The following SLC8A1 variants were observed in gnomAD, a reference collection of about 807,000 sequenced individuals.
The protein encoded by SLC8A1 is sodium/calcium exchanger 1.
Under a neutral mutation model 68.3 loss-of-function variants are expected in SLC8A1, and 18 were observed. The ratio of observed to expected loss-of-function variants is 0.26; its 90% CI spans 0.18 to 0.39. The LOEUF is 0.39. SLC8A1 is among the 10% of genes least tolerant of loss of function. The pLI, the probability that SLC8A1 is intolerant of heterozygous loss-of-function variation, is 1.00. For synonymous variants in SLC8A1, 475 were observed against 415.5 expected, an observed-to-expected ratio of 1.14 and a Z score of -1.74; for missense variants, 985 against 1,156.7, an observed-to-expected ratio of 0.85 and a Z score of 2.15.
chr2:40,366,980 T>C (rs1676415081), intron 2 of SLC8A1, among the ~76,000 whole-genome samples: 2 of 152,022 alleles, frequency 1.3e-5, no homozygotes, highest in Non-Finnish European at 2.9e-5. Flanking sequence ...ATCTTAAAAT[T>C]CCACCTGAGA....
At chr2:40,228,937 TCTC>T (rs1280963255) in intron 2 of SLC8A1, among the ~76,000 whole-genome samples, 1 of 152,166 alleles carries the variant, frequency 6.6e-6, no homozygotes, top group Non-Finnish European at 1.5e-5. Context: ...TACTAAATTG[TCTC>T]CTTTTATTAA....
chr2:40,175,090 A>G (rs2048231771), intron 3 of SLC8A1, among the ~76,000 whole-genome samples, 171 bp downstream of exon 4: 1 of 152,168 alleles, frequency 6.6e-6, no homozygotes, highest in African/African-American at 2.4e-5. Flanking sequence ...GTACTAAATT[A>G]AAAATGCAAT....
intron 2 of SLC8A1, among the ~76,000 whole-genome samples, chr2:40,307,049 C>G (rs923597747): frequency 1.3e-5 from 2 of 151,928 alleles, no homozygotes; most frequent in Non-Finnish European, 2.9e-5. Flanking sequence ...TTTGCTCATC[C>G]ATGTTCATAG....
rs997988607 is a variant in SLC8A1 at position 40,447,606 on chromosome 2, A to C, written c.-25+4298T>G. ...TCCAAGTTAAAAAAAAAAAAAAAAA[A>C]AAGAAAGAACATATGCTAATGATTT... is the stretch of plus-strand genomic sequence containing the variant. On this transcript the variant is annotated intron_variant, in intron 1 of 7. Coordinates refer to ENST00000406785, the Ensembl canonical transcript of SLC8A1. Among the ~76,000 whole-genome samples, 65 of 142,246 alleles carry C rather than the reference A, an allele frequency of 4.6e-4. 1 individual carries two copies. The East Asian group carries it at 0.014, about 31-fold the overall frequency. 93.3% of individuals were successfully genotyped at this position (142,246 alleles called of 152,430 possible).
At chr2:40,358,403 A>G (rs1025009070) in intron 2 of SLC8A1, among the ~76,000 whole-genome samples, 2 of 152,150 alleles carry the variant, frequency 1.3e-5, no homozygotes, top group Non-Finnish European at 2.9e-5. Flanking sequence ...GAACAGTACT[A>G]TCGTTTCAGG....
chr2:40,374,473 T>C (rs960556913), intron 2 of SLC8A1, among the ~76,000 whole-genome samples: 5 of 152,032 alleles, frequency 3.3e-5, no homozygotes, highest in African/African-American at 2.4e-5. Flanking sequence ...TGTGTATATA[T>C]ATATGTATGT....
At chr2:40,505,291 A>C (rs760895426) in intron 1 of SLC8A1, among the ~76,000 whole-genome samples, 1 of 151,922 alleles carries the variant, frequency 6.6e-6, no homozygotes, top group Non-Finnish European at 1.5e-5. Flanking sequence ...CATCAGGGTG[A>C]CTGTAGTCAA....
chr2:40,109,269 A>T (rs1352811927), exon 8 of SLC8A1: 1 of 152,038 alleles, frequency 6.6e-6, no homozygotes. Context: ...AGAGGCATGG[A>T]AGCTATCTGT....
At chr2:40,429,555 A>G (rs1697779252) in exon 2 of SLC8A1, 2 of 1,613,644 alleles carry the variant, frequency 1.2e-6, no homozygotes, top group Non-Finnish European at 1.7e-6. Context: ...CACAGATGGG[A>G]AAGAAGAAGA....
chr2:40,307,146 TACACACACAC>T (rs144335092), intron 2 of SLC8A1, among the ~76,000 whole-genome samples: 1 of 148,172 alleles, frequency 6.7e-6, no homozygotes, highest in Non-Finnish European at 1.5e-5. Context: ...AAATGTGATA[TACACACACAC>T]ACACACACAC....
At chr2:40,424,476 T>C (rs878857631) in intron 2 of SLC8A1, among the ~76,000 whole-genome samples, 1 of 151,828 alleles carries the variant, frequency 6.6e-6, no homozygotes, top group Admixed American at 6.6e-5. Flanking sequence ...TTTTTTTCCT[T>C]TCTAGTCTTT....
intron 1 of SLC8A1, among the ~76,000 whole-genome samples, chr2:40,481,040 A>G (rs1439937045): frequency 6.6e-6 from 1 of 152,188 alleles, no homozygotes; most frequent in Non-Finnish European, 1.5e-5. Flanking sequence ...TTGACCTTAG[A>G]TGTAACTGTA....
Position 40,276,754 on chromosome 2 carries a change from G to T in SLC8A1, c.1809-98899C>A, listed in dbSNP as rs1235161795. Among the ~76,000 whole-genome samples, 3 of 152,028 alleles carry T rather than the reference G, an allele frequency of 2.0e-5. No individual in the cohort carries two copies. The East Asian group carries it at 5.8e-4, about 29-fold the overall frequency. ...TTTTAAAGAGGCCATTCTTTTTATTGGACATTTTTATTTTAGGTTGCAAGA... is the reference window on the plus strand; with the variant it reads ...TTTTAAAGAGGCCATTCTTTTTATTTGACATTTTTATTTTAGGTTGCAAGA... On this transcript the variant is annotated intron_variant, in intron 2 of 7. Transcript: ENST00000406785.
intron 2 of SLC8A1, among the ~76,000 whole-genome samples, chr2:40,248,874 A>G (rs548904794): frequency 9.2e-5 from 14 of 152,318 alleles, no homozygotes; most frequent in Non-Finnish European, 1.6e-4. Context: ...TTATTTATCT[A>G]TGCATAGTGA....
At chr2:40,223,670 A>T (rs1281899965) in intron 2 of SLC8A1, 1 of 152,050 alleles carries the variant, frequency 6.6e-6, no homozygotes. Context: ...CCAATTTGCA[A>T]CTAGGCTCTC....
chr2:40,354,836 A>G (rs547747919), intron 2 of SLC8A1, among the ~76,000 whole-genome samples: 3 of 152,198 alleles, frequency 2.0e-5, no homozygotes, highest in African/African-American at 7.2e-5. Context: ...GGCAGTGTTT[A>G]TTTTTTTACA....
chr2:40,420,170 G>C (rs1248983319), intron 2 of SLC8A1, among the ~76,000 whole-genome samples: 1 of 152,084 alleles, frequency 6.6e-6, no homozygotes, highest in African/African-American at 2.4e-5. Flanking sequence ...GGAATTCTAA[G>C]TTTTTTATAA....
chr2:40,257,385 A>AG (rs1458748576), intron 2 of SLC8A1, among the ~76,000 whole-genome samples: 1 of 151,854 alleles, frequency 6.6e-6, no homozygotes, highest in East Asian at 1.9e-4. Context: ...AAACTCCTGA[A>AG]AAAATCAATG....
At chr2:40,503,767 C>A (rs1267418612) in intron 1 of SLC8A1, among the ~76,000 whole-genome samples, 1 of 151,826 alleles carries the variant, frequency 6.6e-6, no homozygotes, top group Non-Finnish European at 1.5e-5. Context: ...AAGATTACTA[C>A]AATGAAAACG....
Sources: gnomAD v4.1 joint callset for allele counts (sites outside exome capture counted in the v4.1 genomes callset) on GRCh38, gnomAD v4.1.1 for gene constraint, MANE v1.5 for transcripts, NCBI Gene and HGNC (gene_info 2026-07-23, HGNC 2026-07-21) for gene names.